SOS1: variants seen among roughly 807,000 people sequenced by gnomAD.
SOS1 encodes SOS Ras/Rac guanine nucleotide exchange factor 1, also known as son of sevenless homolog 1.
In SOS1, 25 loss-of-function variants were observed where a neutral mutation model predicts 157.6. The observed-to-expected ratio is 0.16, with a 90% CI of 0.12 to 0.22. SOS1 has a LOEUF of 0.22. SOS1 is among the 10% of genes least tolerant of loss of function. The pLI, the probability that SOS1 is intolerant of heterozygous loss-of-function variation, is 1.00. For synonymous variants in SOS1, 528 were observed against 534.0 expected (o/e 0.99, Z 0.16); for missense variants, 1,237 against 1,599.1 (o/e 0.77, Z 3.86).
At chr2:39,034,306 A>G (rs551875208) in intron 8 of SOS1, among the ~76,000 whole-genome samples, 1 of 152,344 alleles carries the variant, frequency 6.6e-6, no homozygotes, top group African/African-American at 2.4e-5. Flanking sequence ...TAATAAATTC[A>G]CAGACCTTCT....
chr2:39,040,862 G>A (rs1670545722), intron 6 of SOS1, among the ~76,000 whole-genome samples: 1 of 152,268 alleles, frequency 6.6e-6, no homozygotes, highest in South Asian at 2.1e-4. Flanking sequence ...ATATACCTAG[G>A]AGTGAAATTT....
At chr2:38,999,118 A>G (rs777716516) in intron 17 of SOS1, among the ~76,000 whole-genome samples, 5 of 152,250 alleles carry the variant, frequency 3.3e-5, no homozygotes, top group Non-Finnish European at 7.3e-5. Flanking sequence ...GATAATGCTT[A>G]GAATAAGTCC....
At chr2:39,091,018 GCCA>G (rs1186988729) in intron 1 of SOS1, among the ~76,000 whole-genome samples, 1 of 151,994 alleles carries the variant, frequency 6.6e-6, no homozygotes, top group African/African-American at 2.4e-5. Context: ...ACCGGTGCAC[GCCA>G]CCACACCTGG....
intron 1 of SOS1, among the ~76,000 whole-genome samples, chr2:39,117,805 T>C (rs979375645): frequency 2.6e-5 from 4 of 152,164 alleles, no homozygotes; most frequent in Non-Finnish European, 4.4e-5. Context: ...GAAATGAACA[T>C]ACAGGCTCTA....
At chr2:39,007,302 G>T in intron 15 of SOS1, 109 bp from the exon 16 acceptor site, 1 of 742,678 alleles carries the variant, frequency 1.3e-6, no homozygotes. Flanking sequence ...GGTGGCGATA[G>T]TATAACTACT....
intron 1 of SOS1, among the ~76,000 whole-genome samples, chr2:39,105,877 G>C (rs1250444864): frequency 6.6e-6 from 1 of 152,048 alleles, no homozygotes; most frequent in African/African-American, 2.4e-5. Flanking sequence ...TTCAGCCTGG[G>C]CGACAGGGTG....
chr2:39,007,531 T>C (rs147310325), intron 15 of SOS1: 244 of 234,650 alleles, frequency 1.0e-3, no homozygotes, highest in South Asian at 6.6e-3. Context: ...TGTATTCTAG[T>C]AGAATTCAAG....
chr2:39,027,018 A>T (rs114582915), intron 8 of SOS1, among the ~76,000 whole-genome samples: 167 of 152,360 alleles, frequency 1.1e-3, no homozygotes, highest in South Asian at 2.3e-3. Context: ...TTGAGAATTT[A>T]ATCACTCAAA....
At chr2:39,025,645 C>A (rs1321715260) in intron 8 of SOS1, among the ~76,000 whole-genome samples, 1 of 152,140 alleles carries the variant, frequency 6.6e-6, no homozygotes, top group Non-Finnish European at 1.5e-5. Flanking sequence ...CAGGCGTAAG[C>A]CACCATGCCT....
chr2:39,062,702 G>C (rs1671451864), intron 2 of SOS1, among the ~76,000 whole-genome samples: 1 of 151,192 alleles, frequency 6.6e-6, no homozygotes, highest in African/African-American at 2.4e-5. Context: ...GAAAGGGAAG[G>C]AACAACAAAG....
At chr2:38,998,571 A>C (rs952694806) in intron 17 of SOS1, among the ~76,000 whole-genome samples, 3 of 152,058 alleles carry the variant, frequency 2.0e-5, no homozygotes, top group African/African-American at 7.3e-5. Flanking sequence ...ATCTTGTGCA[A>C]ATTGCTTAAT....
At chr2:39,084,604 T>C (rs566102970) in intron 1 of SOS1, among the ~76,000 whole-genome samples, 84 of 152,282 alleles carry the variant, frequency 5.5e-4, no homozygotes, top group Admixed American at 4.6e-3. Context: ...TTTATGTCTA[T>C]GTGTATATAA....
intron 1 of SOS1, among the ~76,000 whole-genome samples, chr2:39,112,565 G>C (rs943018571): frequency 2.6e-5 from 4 of 152,046 alleles, no homozygotes; most frequent in African/African-American, 9.7e-5. Flanking sequence ...AGGCTCCCAA[G>C]TGCTGGAATT....
At chr2:39,123,999 G>C (rs1351744402), upstream of SOS1, among the ~76,000 whole-genome samples, 1 of 152,200 alleles carries the variant, frequency 6.6e-6, no homozygotes, top group Non-Finnish European at 1.5e-5. Flanking sequence ...GCCAGGGCAG[G>C]TTTTCACTAG....
intron 1 of SOS1, among the ~76,000 whole-genome samples, chr2:39,101,876 T>G (rs1479319931): frequency 1.3e-5 from 2 of 152,098 alleles, no homozygotes; most frequent in Admixed American, 1.3e-4. Context: ...GACCTGCCTA[T>G]GTATTGAGTT....
chr2:39,113,768 A>C (rs1673531350), intron 1 of SOS1, among the ~76,000 whole-genome samples: 1 of 152,216 alleles, frequency 6.6e-6, no homozygotes, highest in African/African-American at 2.4e-5. Context: ...ATTCTCTATT[A>C]GCTCCTTCCT....
At chr2:39,068,080 C>G (rs1671652286) in intron 1 of SOS1, among the ~76,000 whole-genome samples, 1 of 152,118 alleles carries the variant, frequency 6.6e-6, no homozygotes, top group Admixed American at 6.5e-5. Flanking sequence ...GATCTTGCCA[C>G]TGCACTCCAG....
intron 1 of SOS1, among the ~76,000 whole-genome samples, chr2:39,076,420 G>T (rs1348029286): frequency 6.6e-6 from 1 of 151,872 alleles, no homozygotes; most frequent in Non-Finnish European, 1.5e-5. Context: ...AATAAGGGTA[G>T]CAAACCAAAT....
chr2:39,098,427 T>TA (rs1672850155), intron 1 of SOS1: 1 of 173,200 alleles, frequency 5.8e-6, no homozygotes, highest in African/African-American at 2.4e-5. Context: ...AGAAACCTTC[T>TA]AAAAGCGTGT....
Sources: gnomAD v4.1 joint callset for allele counts (sites outside exome capture counted in the v4.1 genomes callset) on GRCh38, gnomAD v4.1.1 for gene constraint, MANE v1.5 for transcripts, NCBI Gene and HGNC (gene_info 2026-07-23, HGNC 2026-07-21) for gene names.